The following SUPT3H variants were observed in gnomAD, a reference collection of about 807,000 sequenced individuals.
The protein encoded by SUPT3H is SPT3 homolog, SAGA and STAGA complex component, also known as transcription initiation protein SPT3 homolog.
A neutral mutation model predicts 44.3 loss-of-function variants in SUPT3H; 44 were observed. The ratio of observed to expected loss-of-function variants is 0.99; its 90% confidence interval spans 0.78 to 1.28. The LOEUF (loss-of-function observed/expected upper bound fraction) is 1.28, where lower values mean the gene tolerates loss of function less well. Ranked by LOEUF, SUPT3H falls within the 50% of genes most tolerant of loss-of-function variation. The pLI is 0.00. For synonymous variants in SUPT3H, 124 were observed against 125.6 expected (o/e 0.99, Z 0.09); for missense variants, 380 against 387.1 (o/e 0.98, Z 0.15).
At chr6:45,326,685 T>C (rs1786400176) in intron 2 of SUPT3H, among the ~76,000 whole-genome samples, 1 of 151,952 alleles carries the variant, frequency 6.6e-6, no homozygotes, top group Non-Finnish European at 1.5e-5. Context: ...AAATCAAATT[T>C]TCTGTAAAGA....
At chr6:44,931,102 C>T (rs965852626) in intron 10 of SUPT3H, among the ~76,000 whole-genome samples, 1 of 152,174 alleles carries the variant, frequency 6.6e-6, no homozygotes, top group African/African-American at 2.4e-5. Flanking sequence ...GCAGCTACCG[C>T]TTCTTTTTGA....
intron 2 of SUPT3H, among the ~76,000 whole-genome samples, chr6:45,192,574 G>A (rs1815321573): frequency 6.6e-6 from 1 of 152,060 alleles, no homozygotes; most frequent in African/African-American, 2.4e-5. Flanking sequence ...TCTTTAAATT[G>A]TATTAATAAG....
At chr6:45,024,343 C>G (rs1456026412) in intron 3 of SUPT3H, among the ~76,000 whole-genome samples, 3 of 151,954 alleles carry the variant, frequency 2.0e-5, no homozygotes, top group Non-Finnish European at 4.4e-5. Context: ...TTTTTTCTCA[C>G]TGTATTATAT....
At chr6:45,046,796 T>C (rs1047395331) in intron 3 of SUPT3H, among the ~76,000 whole-genome samples, 2 of 152,242 alleles carry the variant, frequency 1.3e-5, no homozygotes, top group African/African-American at 4.8e-5. Context: ...GAGGCTGCAA[T>C]GAATCTGTAG....
chr6:44,897,648 T>C (rs189940901), intron 10 of SUPT3H, among the ~76,000 whole-genome samples: 335 of 152,312 alleles, frequency 2.2e-3, no homozygotes, highest in Non-Finnish European at 2.6e-3. Flanking sequence ...CTCCACATCC[T>C]AGGAACTCCA....
intron 5 of SUPT3H, among the ~76,000 whole-genome samples, chr6:45,011,407 T>A (rs1179556742): frequency 6.6e-6 from 1 of 152,240 alleles, no homozygotes; most frequent in South Asian, 2.1e-4. Context: ...GTGGTCTGTG[T>A]CTTCATAGTA....
intron 2 of SUPT3H, among the ~76,000 whole-genome samples, chr6:45,331,394 A>G (rs1787479263): frequency 6.6e-6 from 1 of 151,974 alleles, no homozygotes; most frequent in Non-Finnish European, 1.5e-5. Flanking sequence ...GATTTCCAAA[A>G]CAGCAATTGT....
chr6:44,820,112 A>G (rs941180905), intron 11 of SUPT3H, among the ~76,000 whole-genome samples: 73 of 152,094 alleles, frequency 4.8e-4, no homozygotes, highest in Non-Finnish European at 6.0e-4. Context: ...CCAGCTACTC[A>G]GGAGGCTGAG....
At chr6:44,916,049 T>G (rs1285449545) in intron 10 of SUPT3H, among the ~76,000 whole-genome samples, 1 of 152,260 alleles carries the variant, frequency 6.6e-6, no homozygotes, top group Admixed American at 6.5e-5. Flanking sequence ...ACAATTTTGT[T>G]GAATTATAGA....
chr6:45,034,511 A>G (rs1451696199), intron 3 of SUPT3H, among the ~76,000 whole-genome samples: 11 of 152,184 alleles, frequency 7.2e-5, no homozygotes, highest in Non-Finnish European at 1.6e-4. Flanking sequence ...TTAAAGCAGA[A>G]TGTTTTTAGT....
chr6:44,863,665 C>G (rs1042970934), intron 10 of SUPT3H, among the ~76,000 whole-genome samples: 1 of 151,850 alleles, frequency 6.6e-6, no homozygotes, highest in African/African-American at 2.4e-5. Flanking sequence ...AAGAGGTTGT[C>G]GGGGGCCAGA....
At chr6:44,950,605 A>G (rs1774128376) in intron 9 of SUPT3H, among the ~76,000 whole-genome samples, 1 of 152,156 alleles carries the variant, frequency 6.6e-6, no homozygotes, top group African/African-American at 2.4e-5. Context: ...CCTGGGCAAC[A>G]TAGAAAATCT....
chr6:44,868,295 G>T (rs1423726856), intron 10 of SUPT3H, among the ~76,000 whole-genome samples: 1 of 152,092 alleles, frequency 6.6e-6, no homozygotes, highest in Non-Finnish European at 1.5e-5. Flanking sequence ...GGACCATGCT[G>T]GAAGCAAACA....
intron 2 of SUPT3H, among the ~76,000 whole-genome samples, chr6:45,229,215 T>G (rs1183559075): frequency 1.3e-5 from 2 of 152,160 alleles, no homozygotes; most frequent in African/African-American, 4.8e-5. Flanking sequence ...TAATTTTAAT[T>G]TTTTATTATT....
chr6:45,106,424 C>A (rs866977838), intron 2 of SUPT3H, among the ~76,000 whole-genome samples: 1 of 151,934 alleles, frequency 6.6e-6, no homozygotes, highest in African/African-American at 2.4e-5. Flanking sequence ...GGAGTCAGAC[C>A]CTGTTTTAAA....
At chr6:45,026,645 GCAAT>G (rs1786050142) in intron 3 of SUPT3H, among the ~76,000 whole-genome samples, 1 of 151,944 alleles carries the variant, frequency 6.6e-6, no homozygotes, top group Admixed American at 6.6e-5. Context: ...GCTTCCAGTG[GCAAT>G]CACCTTTAAC....
At chr6:44,967,302 A>G (rs1776904871) in intron 6 of SUPT3H, among the ~76,000 whole-genome samples, 1 of 152,358 alleles carries the variant, frequency 6.6e-6, no homozygotes, top group African/African-American at 2.4e-5. Flanking sequence ...TTGTTATTGT[A>G]AAACATACAG....
intron 3 of SUPT3H, among the ~76,000 whole-genome samples, chr6:45,039,677 G>A (rs1029287903): frequency 2.6e-5 from 4 of 152,032 alleles, no homozygotes; most frequent in African/African-American, 9.7e-5. Context: ...CTACTTGGGA[G>A]GCTAAGGCAG....
intron 2 of SUPT3H, among the ~76,000 whole-genome samples, chr6:45,221,263 CTAATGTAAATGACGAGT>C (rs1401088908): frequency 6.6e-6 from 1 of 152,020 alleles, no homozygotes; most frequent in Non-Finnish European, 1.5e-5. Context: ...TAGGAGAAAT[CTAATGTAAATGACGAGT>C]TAATGGGTGC....
Sources: gnomAD v4.1 joint callset for allele counts (sites outside exome capture counted in the v4.1 genomes callset) on GRCh38, gnomAD v4.1.1 for gene constraint, MANE v1.5 for transcripts, NCBI Gene and HGNC (gene_info 2026-07-23, HGNC 2026-07-21) for gene names.